The following ANO1 variants were observed in gnomAD, a reference collection of about 807,000 sequenced individuals.
ANO1 encodes anoctamin 1, also known as anoctamin-1.
In ANO1, 59 loss-of-function variants were observed where a neutral mutation model predicts 124.0. That is an observed-to-expected ratio of 0.48 (90% CI 0.39 to 0.59). The LOEUF (loss-of-function observed/expected upper bound fraction) is 0.59. Among genes scored for constraint, ANO1 ranks in the 20% least tolerant of loss-of-function variants. ANO1 has a pLI of 0.00. For missense variants in ANO1, 1,059 were observed against 1,328.0 expected (o/e 0.80, Z 3.15); for synonymous variants, 529 against 532.0 (o/e 0.99, Z 0.08).
chr11:70,146,843 T>C (rs888419170), intron 11 of ANO1, among the ~76,000 whole-genome samples: 15 of 152,186 alleles, frequency 9.9e-5, no homozygotes, highest in Admixed American at 4.6e-4. Flanking sequence ...GGGAGAAAGA[T>C]GAAGGCCGGA....
At position 70,163,307 on chromosome 11, in the gene ANO1, C is replaced by G; in HGVS notation, c.1917C>G (p.Tyr639Ter). 1 of 1,613,952 alleles carries G rather than the reference C, an allele frequency of 6.2e-7. No homozygotes were observed. The highest frequency in any genetic ancestry group is 8.5e-7 in the Non-Finnish European group (1 of 1,179,900). ...GGTTTGTTGGACGCCCGGGCGACTA[C>G]GTGTACATTTTCCGTTCCTTCCGAA... ...KGRFVGRPGD[Y>*]VYIFRSFRME... Residue 639 changes from tyrosine (Y) to a stop codon, truncating the protein, a stop_gained, in exon 19 of 26, where the codon TAC (tyrosine) becomes TAG (stop). Transcript: ENST00000355303. LOFTEE classifies it high-confidence loss of function.
At chr11:69,990,742 T>C (rs1433192168) in intron 1 of ANO1, among the ~76,000 whole-genome samples, 3 of 152,242 alleles carry the variant, frequency 2.0e-5, no homozygotes, top group African/African-American at 7.2e-5. Context: ...CACTATGTCA[T>C]TTATAGATCA....
the ANO1 span, among the ~76,000 whole-genome samples, chr11:69,976,556 A>AGG: frequency 7.0e-5 from 6 of 85,542 alleles, 1 homozygote; most frequent in East Asian, 5.9e-4. Context: ...AAAAAAAAAG[A>AGG]GAGAGAGAGA....
At chr11:70,057,567 G>T (rs1305795465) in intron 1 of ANO1, among the ~76,000 whole-genome samples, 1 of 152,096 alleles carries the variant, frequency 6.6e-6, no homozygotes, top group African/African-American at 2.4e-5. Flanking sequence ...ATAGGATTTG[G>T]GTAGGCAGTG....
Position 70,103,157 on chromosome 11 carries a change from CGAA to C in ANO1, c.538_540del (p.Lys180del), listed in dbSNP as rs1565202274. ...GAGTTTCTGAAACTGAAGATGCCGA[CGAA>C]GAAGGTTGGTGTTGATGGTCCTGCT... On this transcript the variant is annotated inframe_deletion, in exon 3 of 26. Coordinates refer to ENST00000355303, the MANE Select transcript of ANO1 (RefSeq NM_018043.7). The C allele has an allele frequency of 6.8e-6, 11 of 1,609,810 alleles. No individual in the cohort carries two copies. Among genetic ancestry groups the C allele is most frequent in the Non-Finnish European group, 9.3e-6 (11 of 1,178,056 alleles).
intron 1 of ANO1, among the ~76,000 whole-genome samples, chr11:70,010,231 G>A (rs782473939): frequency 1.4e-5 from 2 of 142,394 alleles, no homozygotes; most frequent in African/African-American, 2.7e-5. Context: ...CAGTTGATGG[G>A]CATTTAGGCT....
intron 1 of ANO1, among the ~76,000 whole-genome samples, chr11:70,082,274 G>A (rs1025926442): frequency 6.6e-6 from 1 of 152,218 alleles, no homozygotes; most frequent in Non-Finnish European, 1.5e-5. Context: ...AGATGAATAA[G>A]AGGGCTGGGT....
chr11:70,185,669 C>T lies in ANO1; in HGVS notation c.2668C>T (p.Arg890Trp), dbSNP rs1268747904. ...GGACTTCTGGGCCGTCCTGGCAGCC[C>T]GGCTGGCGTTTGTCATCGTCTTCCA... is the stretch of plus-strand genomic sequence containing the variant. ...SKDFWAVLAA[R>W]LAFVIVFQNL... The change falls in exon 25 of 26, where the codon CGG becomes TGG. Residue 890 changes from arginine to tryptophan, a missense_variant. Arg to Trp is a moderately radical substitution (Grantham distance 101, BLOSUM62 -3). This residue lies in a region of ANO1 where 809 missense variants were observed against 1,094.9 expected (regional missense o/e 0.74). Coordinates refer to ENST00000355303, the MANE Select transcript of ANO1 (RefSeq NM_018043.7). 6.8e-6 allele frequency: 11 copies of T among 1,613,786 alleles called. No homozygotes were observed. The highest frequency in any genetic ancestry group is 2.7e-5 in the African/African-American group (2 of 74,916).
At chr11:70,022,898 A>G (rs1856832810) in intron 1 of ANO1, among the ~76,000 whole-genome samples, 2 of 152,180 alleles carry the variant, frequency 1.3e-5, no homozygotes, top group Non-Finnish European at 2.9e-5. Flanking sequence ...GGAGCTTATA[A>G]GTAAGAGGAG....
chr11:70,086,962 C>T (rs2044412017), intron 1 of ANO1, among the ~76,000 whole-genome samples: 1 of 152,262 alleles, frequency 6.6e-6, no homozygotes, highest in African/African-American at 2.4e-5. Flanking sequence ...CTGTGGCCAC[C>T]TTGACATGGC....
chr11:69,985,318 G>A (rs1485081159), upstream of ANO1, among the ~76,000 whole-genome samples: 1 of 140,276 alleles, frequency 7.1e-6, no homozygotes, highest in Non-Finnish European at 1.5e-5. Flanking sequence ...CACAGGCTGT[G>A]GCTTGCGGGA....
intron 1 of ANO1, chr11:70,085,325 G>C: frequency 7.5e-7 from 1 of 1,331,942 alleles, no homozygotes; most frequent in Non-Finnish European, 9.8e-7. Context: ...CCTTCCCCCT[G>C]AGCCCTCCCA....
intron 6 of ANO1, among the ~76,000 whole-genome samples, chr11:70,109,849 C>A (rs201339121): frequency 1.3e-5 from 2 of 152,134 alleles, no homozygotes; most frequent in Non-Finnish European, 2.9e-5. Flanking sequence ...GGTTTTGTGG[C>A]GGGGCTGGTT....
At chr11:70,085,778 C>T in intron 1 of ANO1, 2 of 1,307,770 alleles carry the variant, frequency 1.5e-6, no homozygotes, top group Non-Finnish European at 2.0e-6. Context: ...CTCTCCCCCA[C>T]TGCAGTGCTG....
At chr11:70,095,161 G>A (rs778028401) in intron 2 of ANO1, among the ~76,000 whole-genome samples, 12 of 150,602 alleles carry the variant, frequency 8.0e-5, no homozygotes, top group African/African-American at 2.0e-4. Context: ...AGCCAAGATC[G>A]CGCCACCACA....
chr11:70,161,505 A>G, intron 17 of ANO1, 117 bp from the exon 18 acceptor site: 1 of 1,381,936 alleles, frequency 7.2e-7, no homozygotes, highest in Non-Finnish European at 1.0e-6. Flanking sequence ...AGCACAGGCC[A>G]TGGTGCGCCT....
rs766531924 is a variant in ANO1, at chr11:70,171,021, G to C, written c.2332G>C (p.Val778Leu). 9 of 1,612,404 alleles carry C rather than the reference G, an allele frequency of 5.6e-6. No individual in the cohort carries two copies. Among genetic ancestry groups the C allele is most frequent in the South Asian group, 3.3e-5 (3 of 90,750 alleles). Residue 778 changes from valine to leucine, a missense_variant, in exon 22 of 26, where the codon GTC (valine) becomes CTC (leucine). Around this residue, in one of 2 missense-constraint regions of ANO1, gnomAD observed 809 missense variants for 1,094.9 expected, o/e 0.74. Coordinates refer to ENST00000355303, the MANE Select transcript of ANO1 (RefSeq NM_018043.7). ...CACTGAGCTCCGAAGGCCGGTAGCT[G>C]TCAGAGCCAAAGACATCGGTGAGTG... ...FVTELRRPVA[V>L]RAKDIGIWYN...
At chr11:70,026,324 A>ATGG (rs797043741) in intron 1 of ANO1, among the ~76,000 whole-genome samples, 1,545 of 145,572 alleles carry the variant, frequency 0.011, 37 homozygotes, top group African/African-American at 0.037. Flanking sequence ...GGCATTGATG[A>ATGG]TGGTGGTGGT....
intron 22 of ANO1, among the ~76,000 whole-genome samples, chr11:70,172,551 G>A (rs2048519179): frequency 1.3e-5 from 2 of 152,166 alleles, no homozygotes; most frequent in South Asian, 2.1e-4. Context: ...TTGAGCTTTT[G>A]TAGGCCAAAC....
Sources: allele counts gnomAD v4.1 joint callset (sites outside exome capture counted in the v4.1 genomes callset), GRCh38; gene constraint gnomAD v4.1.1; regional missense constraint gnomAD v4.1.1; transcripts MANE v1.5; gene names NCBI Gene and HGNC (gene_info 2026-07-23, HGNC 2026-07-21).